Variants in EPHA3 observed in about 807,000 individuals in gnomAD.
EPHA3 encodes the protein ephrin type-A receptor 3.
EPHA3 carries 42 observed loss-of-function variants against 107.1 expected under a neutral mutation model. The observed-to-expected ratio is 0.39, with a 90% confidence interval of 0.31 to 0.51. The LOEUF (loss-of-function observed/expected upper bound fraction) is 0.51, where lower values mean the gene tolerates loss of function less well. Ranked by LOEUF, EPHA3 falls within the 20% of genes least tolerant of loss-of-function variation. The pLI is 0.78. For missense variants in EPHA3, 1,183 were observed against 1,211.2 expected (o/e 0.98, Z 0.35); for synonymous variants, 461 against 424.8 (o/e 1.09, Z -1.05).
At chr3:89,276,704 G>A (rs1483695240) in intron 3 of EPHA3, among the ~76,000 whole-genome samples, 2 of 152,066 alleles carry the variant, frequency 1.3e-5, no homozygotes, top group Non-Finnish European at 2.9e-5. Flanking sequence ...CTGTATTCAG[G>A]AGAAAGATTT....
rs1383425598 is a variant in EPHA3, at chr3:89,383,641, T to TC, written c.1307-12196_1307-12195insC. ...GTGTGGTCAGCCTACTTCTTCTTCT[T>TC]TTTTTTTTTTTTTTTTTTTTTTTTT... On this transcript the variant is annotated intron_variant, in intron 5 of 16. Coordinates refer to ENST00000336596, the MANE Select transcript of EPHA3 (RefSeq NM_005233.6). 2.8e-3 allele frequency among the ~76,000 whole-genome samples: 341 copies of TC among 122,524 alleles called. 3 individuals carry two copies. Among genetic ancestry groups the TC allele is most frequent in the African/African-American group, 0.011 (324 of 30,046 alleles). 80.4% of individuals were successfully genotyped at this position (122,524 alleles called of 152,430 possible).
rs573075679 is a variant in EPHA3 at position 89,276,296 on chromosome 3, A to G, written c.815-64620A>G. Among the ~76,000 whole-genome samples the G allele has an allele frequency of 4.6e-5, 7 of 152,186 alleles. No homozygotes were observed. The South Asian group carries it at 1.0e-3, about 23-fold the overall frequency. ...TTCTCTTAATCCCCTTCCCTCTCAG[A>G]TAGGATGTCTATCAAGCATTGTACT... is the stretch of plus-strand genomic sequence containing the variant. On this transcript the variant is annotated intron_variant, in intron 3 of 16. Coordinates refer to ENST00000336596, the MANE Select transcript of EPHA3 (RefSeq NM_005233.6).
At chr3:89,444,545 T>C (rs887904476) in intron 13 of EPHA3, among the ~76,000 whole-genome samples, 1 of 152,154 alleles carries the variant, frequency 6.6e-6, no homozygotes, top group African/African-American at 2.4e-5. Context: ...AATTGTACTT[T>C]GTAGTTAACA....
At chr3:89,109,393 T>A (rs1413272823) in intron 1 of EPHA3, among the ~76,000 whole-genome samples, 2 of 152,062 alleles carry the variant, frequency 1.3e-5, no homozygotes, top group Non-Finnish European at 2.9e-5. Context: ...TAAAAATTTT[T>A]GTTCTTTGCA....
intron 3 of EPHA3, among the ~76,000 whole-genome samples, chr3:89,251,686 ATAT>A (rs1705170752): frequency 6.6e-6 from 1 of 152,136 alleles, no homozygotes; most frequent in South Asian, 2.1e-4. Context: ...ATTCACAATA[ATAT>A]TCAAATATCA....
At chr3:89,325,836 A>G (rs906627338) in intron 3 of EPHA3, among the ~76,000 whole-genome samples, 1 of 151,806 alleles carries the variant, frequency 6.6e-6, no homozygotes, top group African/African-American at 2.4e-5. Flanking sequence ...TTTATTTAAT[A>G]AAAAAAGTTT....
chr3:89,362,331 G>A (rs1051446399), intron 5 of EPHA3, among the ~76,000 whole-genome samples: 9 of 151,046 alleles, frequency 6.0e-5, no homozygotes, highest in African/African-American at 1.9e-4. Flanking sequence ...GAAATGGTGG[G>A]AGATTAGCCT....
chr3:89,410,129 C>T (rs745626188), intron 9 of EPHA3, among the ~76,000 whole-genome samples: 1 of 151,936 alleles, frequency 6.6e-6, no homozygotes, highest in African/African-American at 2.4e-5. Context: ...GCTTCTACAG[C>T]GAACAGACCA....
intron 3 of EPHA3, among the ~76,000 whole-genome samples, chr3:89,225,514 T>C (rs188001024): frequency 8.3e-4 from 127 of 152,308 alleles, no homozygotes; most frequent in Non-Finnish European, 8.8e-5. Context: ...TTTATAAAGT[T>C]TGGTCATAGT....
At chr3:89,341,288 C>T (rs1349409962) in intron 4 of EPHA3, among the ~76,000 whole-genome samples, 1 of 152,186 alleles carries the variant, frequency 6.6e-6, no homozygotes. Flanking sequence ...TCCTGCAACA[C>T]AACCCCCTGA....
At chr3:89,365,703 C>T (rs1438715617) in intron 5 of EPHA3, among the ~76,000 whole-genome samples, 1 of 150,668 alleles carries the variant, frequency 6.6e-6, no homozygotes, top group Non-Finnish European at 1.5e-5. Context: ...CCTGAACCTA[C>T]TTAGCATCAA....
intron 2 of EPHA3, among the ~76,000 whole-genome samples, chr3:89,169,638 T>C (rs1224664765): frequency 1.3e-5 from 2 of 152,214 alleles, no homozygotes; most frequent in Non-Finnish European, 2.9e-5. Context: ...TCAGATATCA[T>C]ATATTTCAAA....
At chr3:89,204,276 A>G (rs1219043080) in intron 2 of EPHA3, among the ~76,000 whole-genome samples, 1 of 152,144 alleles carries the variant, frequency 6.6e-6, no homozygotes, top group African/African-American at 2.4e-5. Flanking sequence ...CTGAAAACTT[A>G]GGGGCTAAAG....
intron 2 of EPHA3, among the ~76,000 whole-genome samples, chr3:89,177,425 TC>T (rs1705344576): frequency 6.6e-6 from 1 of 152,138 alleles, no homozygotes; most frequent in South Asian, 2.1e-4. Context: ...GATTTCTCTC[TC>T]ATACATCTGC....
chr3:89,240,706 AT>A (rs1385278077), intron 3 of EPHA3, among the ~76,000 whole-genome samples: 1 of 152,088 alleles, frequency 6.6e-6, no homozygotes, highest in South Asian at 2.1e-4. Context: ...TAAAATTATG[AT>A]TTTTTTGTCT....
intron 3 of EPHA3, among the ~76,000 whole-genome samples, chr3:89,317,551 G>A (rs1029740077): frequency 7.2e-5 from 11 of 151,882 alleles, no homozygotes; most frequent in African/African-American, 2.2e-4. Flanking sequence ...ATGATAAGCT[G>A]TATCTTGCCA....
chr3:89,387,881 G>A (rs1348486422), intron 5 of EPHA3, among the ~76,000 whole-genome samples: 1 of 152,018 alleles, frequency 6.6e-6, no homozygotes, highest in Non-Finnish European at 1.5e-5. Flanking sequence ...AAATTCTCCA[G>A]TCTTTAAAAC....
At chr3:89,186,384 A>C (rs1705569702) in intron 2 of EPHA3, among the ~76,000 whole-genome samples, 1 of 151,754 alleles carries the variant, frequency 6.6e-6, no homozygotes, top group Admixed American at 6.6e-5. Flanking sequence ...AAAAAATATA[A>C]ATAAGATAGT....
At chr3:89,472,344 C>T (rs746366252) in intron 15 of EPHA3, 120 bp from the exon 16 acceptor site, 200 of 1,091,212 alleles carry the variant, frequency 1.8e-4, no homozygotes, top group Non-Finnish European at 2.5e-4. Flanking sequence ...ATAAATTCCA[C>T]AAATGAAAGG....
Sources: gnomAD v4.1 joint callset for allele counts (sites outside exome capture counted in the v4.1 genomes callset) on GRCh38, gnomAD v4.1.1 for gene constraint, MANE v1.5 for transcripts, NCBI Gene and HGNC (gene_info 2026-07-23, HGNC 2026-07-21) for gene names.